The following ALPL variants were observed in gnomAD, a reference collection of about 807,000 sequenced individuals.
ALPL encodes the protein alkaline phosphatase, tissue-nonspecific isozyme.
In ALPL, 42 loss-of-function variants were observed where a neutral mutation model predicts 51.3. The observed-to-expected ratio is 0.82, with a 90% CI of 0.64 to 1.06. ALPL has a LOEUF of 1.06. Ranked by LOEUF, ALPL falls within the 50% of genes least tolerant of loss-of-function variation. ALPL has a pLI of 0.00. For synonymous variants in ALPL, 279 were observed against 296.4 expected, an observed-to-expected ratio of 0.94 and a Z score of 0.60; for missense variants, 589 against 709.4, an observed-to-expected ratio of 0.83 and a Z score of 1.93.
At chr1:21,510,385 AAG>A (rs1445628767) in intron 1 of ALPL, among the ~76,000 whole-genome samples, 2 of 152,168 alleles carry the variant, frequency 1.3e-5, no homozygotes, top group Non-Finnish European at 2.9e-5. Flanking sequence ...TTGAGATCAA[AAG>A]AGGGGGCGAT....
chr1:21,576,737 C>T (rs1644743146), intron 11 of ALPL, 96 bp downstream of exon 11: 1 of 1,526,354 alleles, frequency 6.6e-7, no homozygotes, highest in South Asian at 1.2e-5. Context: ...GGTCAGGGGT[C>T]TCAGAATGAC....
At chr1:21,541,092 T>C (rs941267213) in intron 1 of ALPL, among the ~76,000 whole-genome samples, 1 of 152,194 alleles carries the variant, frequency 6.6e-6, no homozygotes, top group Non-Finnish European at 1.5e-5. Flanking sequence ...AACAGGTCTC[T>C]GGGAAATCCC....
At chr1:21,555,458 C>T (rs1644400417) in intron 2 of ALPL, among the ~76,000 whole-genome samples, 1 of 152,186 alleles carries the variant, frequency 6.6e-6, no homozygotes, top group Non-Finnish European at 1.5e-5. Context: ...CTCTGTTTGC[C>T]CAGGATGGAG....
Position 21,577,959 on chromosome 1 carries a change from T to C in ALPL, c.*311T>C. Reference sequence around the variant, plus strand: ...AAGCCTCTTATTTTTCTAGCGAACGTATTTCTCCAGACCCAGAGGCCCTGA... The same window carrying C: ...AAGCCTCTTATTTTTCTAGCGAACGCATTTCTCCAGACCCAGAGGCCCTGA... On this transcript the variant is annotated 3_prime_UTR_variant, in exon 12 of 12. Transcript: ENST00000374840. The C allele has an allele frequency of 2.0e-6, 1 of 502,108 alleles. No individual in the cohort carries two copies. Among genetic ancestry groups the C allele is most frequent in the Non-Finnish European group, 3.6e-6 (1 of 279,730 alleles). The allele number at this position is 502,108 out of a possible 1,614,324, so 31.1% of individuals were successfully genotyped here. A position where few individuals can be genotyped will look rare whatever the true frequency, so the allele number is the denominator to read the frequency against.
rs542976449 is a variant in ALPL, at chr1:21,540,226, C to T, written c.-104-13752C>T. On this transcript the variant is annotated intron_variant, in intron 1 of 11. Transcript: ENST00000374840. The stretch of plus-strand genomic sequence containing the variant: ...CCTGCAAAGCAGCCATGCTCCGCCC[C>T]CGACCCCTGCCTGGGCACTGCAGGC... Among the ~76,000 whole-genome samples the T allele has an allele frequency of 2.0e-5, 3 of 152,306 alleles. No individual in the cohort carries two copies. The East Asian group carries it at 5.8e-4, about 29-fold the overall frequency.
chr1:21,531,168 A>C (rs974265310), intron 1 of ALPL, among the ~76,000 whole-genome samples: 1 of 152,106 alleles, frequency 6.6e-6, no homozygotes, highest in Non-Finnish European at 1.5e-5. Context: ...CATGTTGGCC[A>C]GGCTGGTCTC....
At chr1:21,521,703 G>A (rs1643885015) in intron 1 of ALPL, among the ~76,000 whole-genome samples, 2 of 152,136 alleles carry the variant, frequency 1.3e-5, no homozygotes, top group African/African-American at 4.8e-5. Flanking sequence ...GTGTCTCTGG[G>A]TCCAGTTTTC....
In ALPL at chr1:21,577,427, G is replaced by A. The variant is rs966212736; in HGVS notation, c.1354G>A (p.Glu452Lys). ...GCAGTCTGCTGTGCCCCTGCGCCAC[G>A]AGACCCACGGCGGGGAGGACGTGGC... is the stretch of plus-strand genomic sequence containing the variant. ...QAQSAVPLRHETHGGEDVAVF... is the reference protein window; with the variant it reads ...QAQSAVPLRHKTHGGEDVAVF... The change falls in exon 12 of 12, where the codon GAG becomes AAG. Residue 452 changes from glutamate (E) to lysine (K), a missense_variant. By Grantham distance (56) the Glu-to-Lys change is moderately conservative (BLOSUM62 1). Coordinates refer to ENST00000374840, the MANE Select transcript of ALPL (RefSeq NM_000478.6). The A allele has an allele frequency of 3.7e-6, 6 of 1,612,934 alleles. No homozygotes were observed. Among genetic ancestry groups the A allele is most frequent in the Admixed American group, 1.7e-5 (1 of 60,008 alleles).
chr1:21,544,725 G>A (rs1166446584), intron 1 of ALPL, among the ~76,000 whole-genome samples: 3 of 152,184 alleles, frequency 2.0e-5, no homozygotes, highest in African/African-American at 4.8e-5. Flanking sequence ...CAGCCTGGGC[G>A]ACAAAGTGAA....
intron 1 of ALPL, among the ~76,000 whole-genome samples, chr1:21,534,767 G>C (rs1644075668): frequency 6.6e-6 from 1 of 152,210 alleles, no homozygotes; most frequent in Non-Finnish European, 1.5e-5. Flanking sequence ...TGCGCTGGTT[G>C]TATTGACATG....
chr1:21,564,037 C>G lies in ALPL; in HGVS notation c.473-4C>G, dbSNP rs1478839722. ...AAGCCAAACCCGCCCCTCCTGCACC[C>G]CAGGGAAATCTGTGGGCATTGTGAC... On this transcript the variant is annotated splice_polypyrimidine_tract_variant and splice_region_variant and intron_variant, in intron 5 of 11. Transcript: ENST00000374840. This position sits in a 1 kb window ranked among gnomAD's most constrained non-coding sequence, Gnocchi z 5.8. The G allele has an allele frequency of 1.2e-6, 2 of 1,613,714 alleles. No homozygotes were observed. The highest frequency in any genetic ancestry group is 1.7e-6 in the Non-Finnish European group (2 of 1,179,974).
intron 1 of ALPL, among the ~76,000 whole-genome samples, chr1:21,536,793 A>G (rs970637352): frequency 2.0e-5 from 3 of 152,126 alleles, no homozygotes; most frequent in African/African-American, 7.2e-5. Flanking sequence ...TGGGTGGCCA[A>G]AAATGACAGT....
intron 1 of ALPL, among the ~76,000 whole-genome samples, chr1:21,530,916 G>A (rs1397581671): frequency 1.3e-5 from 2 of 150,866 alleles, no homozygotes; most frequent in Middle Eastern, 3.2e-3. Context: ...AAGTAGCTGG[G>A]ACCACAGGCG....
intron 2 of ALPL, among the ~76,000 whole-genome samples, chr1:21,559,744 T>C (rs1644459229): frequency 6.6e-6 from 1 of 152,166 alleles, no homozygotes; most frequent in Non-Finnish European, 1.5e-5. Flanking sequence ...GGTCGCGAAC[T>C]CCTGAGCTCA....
intron 8 of ALPL, 64 bp from the exon 9 acceptor site, chr1:21,573,601 C>T (rs1484823678): frequency 6.3e-7 from 1 of 1,599,898 alleles, no homozygotes; most frequent in African/African-American, 1.3e-5. Flanking sequence ...CCCCAGCTTC[C>T]TTGGAGTCCT....
chr1:21,548,919 C>T (rs965836650), intron 1 of ALPL, among the ~76,000 whole-genome samples: 1 of 152,176 alleles, frequency 6.6e-6, no homozygotes. Context: ...ACATTCATCA[C>T]TCAGTCCTCT....
At chr1:21,527,332 C>T (rs1178676270) in intron 1 of ALPL, among the ~76,000 whole-genome samples, 4 of 151,796 alleles carry the variant, frequency 2.6e-5, no homozygotes, top group African/African-American at 9.7e-5. Context: ...ACGCCCGGCC[C>T]TTCTTGTTCT....
intron 6 of ALPL, among the ~76,000 whole-genome samples, chr1:21,565,160 C>A (rs1405051150): frequency 6.6e-6 from 1 of 152,206 alleles, no homozygotes; most frequent in Non-Finnish European, 1.5e-5. Flanking sequence ...CTTCAGCCCT[C>A]CATGCACTGC....
intron 8 of ALPL, among the ~76,000 whole-genome samples, chr1:21,572,197 A>C (rs1055440760): frequency 9.2e-5 from 14 of 152,136 alleles, no homozygotes; most frequent in African/African-American, 3.4e-4. Flanking sequence ...TTATTGCCTC[A>C]CTCAATTTCT....
Sources: gnomAD v4.1 joint callset for allele counts (sites outside exome capture counted in the v4.1 genomes callset) on GRCh38, gnomAD v4.1.1 for gene constraint, Gnocchi (gnomAD v3.1) non-coding constraint, MANE v1.5 for transcripts, NCBI Gene and HGNC (gene_info 2026-07-23, HGNC 2026-07-21) for gene names.